The following ITIH5 variants were observed in gnomAD, a reference collection of about 807,000 sequenced individuals.
ITIH5 encodes inter-alpha-trypsin inhibitor heavy chain 5, also known as inter-alpha-trypsin inhibitor heavy chain H5.
Under a neutral mutation model 77.5 loss-of-function variants are expected in ITIH5, and 65 were observed. The observed-to-expected ratio is 0.84, with a 90% confidence interval of 0.69 to 1.03. The LOEUF is 1.03. ITIH5 is among the 50% of genes least tolerant of loss of function. The probability of loss-of-function intolerance (pLI) is 0.00; values close to 1 mark genes in which losing one functional copy is unlikely to be tolerated. For missense variants in ITIH5, 1,208 were observed against 1,213.1 expected, an observed-to-expected ratio of 1.00 and a Z score of 0.06; for synonymous variants, 525 against 494.3, an observed-to-expected ratio of 1.06 and a Z score of -0.82.
At chr10:7,644,398 C>CATATATCAT (rs1833941251) in intron 2 of ITIH5, among the ~76,000 whole-genome samples, 1 of 123,262 alleles carries the variant, frequency 8.1e-6, no homozygotes, top group Non-Finnish European at 1.6e-5. Flanking sequence ...ACATATATCA[C>CATATATCAT]ATATATCACA....
intron 8 of ITIH5, among the ~76,000 whole-genome samples, chr10:7,584,480 T>C (rs1832633616): frequency 6.6e-6 from 1 of 151,904 alleles, no homozygotes; most frequent in South Asian, 2.1e-4. Flanking sequence ...ACTTTTTGTA[T>C]TTTTAGTAGA....
At position 7,612,797 on chromosome 10, in the gene ITIH5, A is replaced by G. The variant is rs1225496010; in HGVS notation, c.939+3185T>C. On this transcript the variant is annotated intron_variant, in intron 7 of 13. Transcript: ENST00000397146. The stretch of plus-strand genomic sequence containing the variant: ...TTAAGTGATTCAAAATCCAAATGGC[A>G]ATTATCATACTGATCGTATGTAAGC... Among the ~76,000 whole-genome samples, 4 of 152,174 alleles carry G rather than the reference A, an allele frequency of 2.6e-5. No individual in the cohort carries two copies. The East Asian group carries it at 7.7e-4, about 29-fold the overall frequency.
chr10:7,651,218 T>G (rs141485915), intron 2 of ITIH5, among the ~76,000 whole-genome samples: 220 of 150,416 alleles, frequency 1.5e-3, no homozygotes, highest in African/African-American at 5.2e-3. Context: ...CAGACAACCC[T>G]GCTGCAAGCA....
chr10:7,652,376 C>G (rs548842514), intron 2 of ITIH5, among the ~76,000 whole-genome samples: 1 of 152,166 alleles, frequency 6.6e-6, no homozygotes, highest in East Asian at 1.9e-4. Context: ...GCTCCAGAGG[C>G]AAGCAGGAGG....
chr10:7,629,901 G>T (rs1833685663), intron 5 of ITIH5, among the ~76,000 whole-genome samples: 1 of 152,068 alleles, frequency 6.6e-6, no homozygotes, highest in Admixed American at 6.5e-5. Context: ...AACCTAGAAG[G>T]GTTTAGAAAG....
In ITIH5 at chr10:7,586,012, T is replaced by C. The variant is rs1417128406; in HGVS notation, c.997A>G (p.Ile333Val). ...TTGATCCGGTTGGAAAATCCAATGA[T>C]ACTGAAACGGTCCTGGGGTCGGAGG... Reference protein sequence around the residue: ...HDLRPQDRFSIIGFSNRIKVW... With the variant: ...HDLRPQDRFSVIGFSNRIKVW... Residue 333 changes from isoleucine (I) to valine (V), a missense_variant, in exon 8 of 14, where the codon ATC becomes GTC. Transcript: ENST00000397146. 2 of 1,614,114 alleles carry C rather than the reference T, an allele frequency of 1.2e-6. No individual in the cohort carries two copies. Among genetic ancestry groups the C allele is most frequent in the Non-Finnish European group, 8.5e-7 (1 of 1,180,030 alleles).
Position 7,635,506 on chromosome 10 carries a change from T to C in ITIH5, c.652+1722A>G, listed in dbSNP as rs75203271. ...ATGCCATTTCTAAATGCCAGGTACC[T>C]TGACAATATTTTTGCTTTTTCTAGA... On this transcript the variant is annotated intron_variant, in intron 5 of 13. Coordinates refer to ENST00000397146, the MANE Select transcript of ITIH5 (RefSeq NM_030569.7). 1.4e-3 allele frequency among the ~76,000 whole-genome samples: 212 copies of C among 152,278 alleles called. 1 individual carries two copies. Among genetic ancestry groups the C allele is most frequent in the African/African-American group, 4.9e-3 (205 of 41,528 alleles).
intron 1 of ITIH5, among the ~76,000 whole-genome samples, chr10:7,658,059 T>G (rs577741781): frequency 1.3e-5 from 2 of 152,232 alleles, no homozygotes; most frequent in East Asian, 3.8e-4. Context: ...CATGACACAA[T>G]TTTAAGTGAT....
At chr10:7,644,331 T>C (rs551914018) in intron 2 of ITIH5, among the ~76,000 whole-genome samples, 114 of 147,914 alleles carry the variant, frequency 7.7e-4, no homozygotes, top group Non-Finnish European at 1.5e-3. Context: ...ACATATCACA[T>C]ATATATCACA....
intron 7 of ITIH5, among the ~76,000 whole-genome samples, chr10:7,598,139 G>T (rs1436940487): frequency 2.6e-5 from 4 of 152,204 alleles, no homozygotes; most frequent in African/African-American, 9.7e-5. Flanking sequence ...GGAAATCAAT[G>T]ATCGTGCAAT....
chr10:7,640,534 G>C (rs1013792996), intron 4 of ITIH5, among the ~76,000 whole-genome samples: 7 of 151,444 alleles, frequency 4.6e-5, no homozygotes, highest in African/African-American at 9.7e-5. Flanking sequence ...AAGAGGATAT[G>C]TGTGGGAAGT....
intron 1 of ITIH5, among the ~76,000 whole-genome samples, chr10:7,657,169 T>C (rs951410136): frequency 6.7e-6 from 1 of 150,230 alleles, no homozygotes; most frequent in African/African-American, 2.5e-5. Flanking sequence ...CTTAGCCTCC[T>C]GAGTAGCTGG....
intron 2 of ITIH5, among the ~76,000 whole-genome samples, chr10:7,649,926 C>A (rs1025815681): frequency 6.6e-6 from 1 of 152,220 alleles, no homozygotes; most frequent in Non-Finnish European, 1.5e-5. Flanking sequence ...ATCCAACATG[C>A]TTTCCATATT....
chr10:7,634,506 A>G (rs867242316), intron 5 of ITIH5, among the ~76,000 whole-genome samples: 3 of 152,214 alleles, frequency 2.0e-5, no homozygotes, highest in Non-Finnish European at 4.4e-5. Flanking sequence ...AGGAGCTAAG[A>G]AAACAATTTC....
chr10:7,598,800 T>A (rs889612422), intron 7 of ITIH5, among the ~76,000 whole-genome samples: 1 of 152,202 alleles, frequency 6.6e-6, no homozygotes, highest in Admixed American at 6.5e-5. Context: ...AATAGAAAGA[T>A]TGCTAAAGAT....
chr10:7,635,005 T>C (rs1833776978), intron 5 of ITIH5, among the ~76,000 whole-genome samples: 2 of 152,190 alleles, frequency 1.3e-5, no homozygotes, highest in African/African-American at 4.8e-5. Flanking sequence ...TACTATGTTG[T>C]CCAGGCTGGT....
At chr10:7,580,220 A>C (rs1186045423) in intron 8 of ITIH5, among the ~76,000 whole-genome samples, 156 bp from the exon 9 acceptor site, 1 of 152,164 alleles carries the variant, frequency 6.6e-6, no homozygotes, top group African/African-American at 2.4e-5. Context: ...TCCCAGGTTC[A>C]AGCGATTCTC....
chr10:7,639,357 T>C (rs1833847633), intron 4 of ITIH5, among the ~76,000 whole-genome samples: 1 of 152,232 alleles, frequency 6.6e-6, no homozygotes, highest in Non-Finnish European at 1.5e-5. Flanking sequence ...TCTATGTCTT[T>C]AGAAACTACG....
intron 2 of ITIH5, among the ~76,000 whole-genome samples, chr10:7,651,814 A>T (rs927681158): frequency 5.3e-5 from 8 of 151,612 alleles, no homozygotes; most frequent in African/African-American, 1.9e-4. Context: ...TGAGACACAC[A>T]CTGTCCTCTG....
Sources: gnomAD v4.1 joint callset for allele counts (sites outside exome capture counted in the v4.1 genomes callset) on GRCh38, gnomAD v4.1.1 for gene constraint, MANE v1.5 for transcripts, NCBI Gene and HGNC (gene_info 2026-07-23, HGNC 2026-07-21) for gene names.